The following PLOD2 variants were observed in gnomAD, a reference collection of about 807,000 sequenced individuals.
PLOD2 encodes the protein lysine hydroxylase 2.
In PLOD2, 65 loss-of-function variants were observed where a neutral mutation model predicts 101.0. The ratio of observed to expected loss-of-function variants is 0.64; its 90% CI spans 0.53 to 0.79. The LOEUF is 0.79. Ranked by LOEUF, PLOD2 falls within the 30% of genes least tolerant of loss-of-function variation. The pLI is 0.00. For synonymous variants in PLOD2, 314 were observed against 302.9 expected, an observed-to-expected ratio of 1.04 and a Z score of -0.38; for missense variants, 909 against 914.6, an observed-to-expected ratio of 0.99 and a Z score of 0.08.
chr3:146,104,792 A>AT, intron 5 of PLOD2, among the ~76,000 whole-genome samples: 1 of 152,292 alleles, frequency 6.6e-6, no homozygotes, highest in South Asian at 2.1e-4. Flanking sequence ...CAACTCCCCA[A>AT]TAAGGGAACT....
In PLOD2 at chr3:146,088,924, G is replaced by A. The variant is rs561537810; in HGVS notation, c.880-213C>T. 1,557 of 532,138 alleles carry A rather than the reference G, an allele frequency of 2.9e-3. 7 individuals are homozygous for A. The highest frequency in any genetic ancestry group is 4.6e-3 in the Non-Finnish European group (1,368 of 296,490). 33.0% of individuals were successfully genotyped at this position (532,138 alleles called of 1,614,324 possible). On this transcript the variant is annotated intron_variant, in intron 8 of 19. Coordinates refer to ENST00000282903, the MANE Select transcript of PLOD2 (RefSeq NM_182943.3). ...AAGTGATTTTACTGAATCCCATCTT[G>A]GTTATGAGTTAGGTTTAAAGATGAA...
Position 146,076,868 on chromosome 3 carries a change from G to A in PLOD2, c.1591C>T (p.His531Tyr), listed in dbSNP as rs763520586. The change falls in exon 15 of 20, where the codon CAT becomes TAT. Residue 531 changes from histidine to tyrosine, a missense_variant. His to Tyr is a moderately conservative substitution (Grantham distance 83). Transcript: ENST00000282903. Reference sequence around the variant, plus strand: ...GTGGATAATAGCCTTCCAAATTCATGTCTATTAGAAATGTACATAAATACA... The same window carrying A: ...GTGGATAATAGCCTTCCAAATTCATATCTATTAGAAATGTACATAAATACA... ...KGVFMYISNR[H>Y]EFGRLLSTAN... is the part of the protein sequence containing the mutation. 1.3e-5 allele frequency: 20 copies of A among 1,571,838 alleles called. No individual in the cohort carries two copies. The highest frequency in any genetic ancestry group is 1.7e-5 in the Admixed American group (1 of 59,628).
chr3:146,093,613 T>C (rs1313143687), intron 7 of PLOD2, among the ~76,000 whole-genome samples: 1 of 152,194 alleles, frequency 6.6e-6, no homozygotes, highest in Non-Finnish European at 1.5e-5. Context: ...GTGAAAAGCA[T>C]AGTTTTATTT....
At position 146,105,649 on chromosome 3, in the gene PLOD2, A is replaced by G. The variant is rs146924726; in HGVS notation, c.615+883T>C. Among the ~76,000 whole-genome samples, 5 of 152,370 alleles carry G rather than the reference A, an allele frequency of 3.3e-5. No homozygotes were observed. In the East Asian group the frequency reaches 9.6e-4, roughly 29 times the overall value. On this transcript the variant is annotated intron_variant, in intron 5 of 19. Transcript: ENST00000282903. ...ATGTGTTCTTTTAAAATTGTAGCCAATTAAACACATAAAGTCTATGTTATC... is the reference window on the plus strand; with the variant it reads ...ATGTGTTCTTTTAAAATTGTAGCCAGTTAAACACATAAAGTCTATGTTATC...
Position 146,132,786 on chromosome 3 carries a change from T to G in PLOD2, c.110-8557A>C, listed in dbSNP as rs1414035509. Among the ~76,000 whole-genome samples, 4 of 152,200 alleles carry G rather than the reference T, an allele frequency of 2.6e-5. 1 individual carries two copies. The highest frequency in any genetic ancestry group is 9.7e-5 in the African/African-American group (4 of 41,450). On this transcript the variant is annotated intron_variant, in intron 1 of 19. Transcript: ENST00000282903. Reference sequence around the variant, plus strand: ...AAAATGCTATGAAAGCTTCAAGACATTTTTTAAAACATACAGATTATACTG... The same window carrying G: ...AAAATGCTATGAAAGCTTCAAGACAGTTTTTAAAACATACAGATTATACTG...
In PLOD2 at chr3:146,086,749, A is replaced by G. The variant is rs542934518; in HGVS notation, c.1127+38T>C. ...TATTTTTTCTTAACGTTTCCTTAGTAAAATAATTTAATTTAATTTTAATTT... is the reference window on the plus strand; with the variant it reads ...TATTTTTTCTTAACGTTTCCTTAGTGAAATAATTTAATTTAATTTTAATTT... On this transcript the variant is annotated intron_variant, in intron 10 of 19. Transcript: ENST00000282903. 41 of 1,297,268 alleles carry G rather than the reference A, an allele frequency of 3.2e-5. 1 individual carries two copies. Among genetic ancestry groups the G allele is most frequent in the Admixed American group, 1.8e-4 (7 of 39,950 alleles). The allele number at this position is 1,297,268 out of a possible 1,614,324, so 80.4% of individuals were successfully genotyped here.
chr3:146,079,669 T>C (rs1291334517), intron 12 of PLOD2, among the ~76,000 whole-genome samples: 4 of 151,974 alleles, frequency 2.6e-5, no homozygotes, highest in African/African-American at 9.7e-5. Context: ...CAAAGTTAAC[T>C]TTTTCTGCCA....
In PLOD2 at chr3:146,106,165, G is replaced by C. The variant is rs531682029; in HGVS notation, c.615+367C>G. 5.6e-4 allele frequency among the ~76,000 whole-genome samples: 85 copies of C among 152,194 alleles called. No homozygotes were observed. In the South Asian group the frequency reaches 0.012, roughly 22 times the overall value. On this transcript the variant is annotated intron_variant, in intron 5 of 19. Transcript: ENST00000282903. Reference sequence around the variant, plus strand: ...CTAAGTGAGTATGCAGTGGAGGTAGGGCCATGACAGTGGTGTGAGGGCTGC... The same window carrying C: ...CTAAGTGAGTATGCAGTGGAGGTAGCGCCATGACAGTGGTGTGAGGGCTGC...
At chr3:146,088,807 T>G (rs1373385341) in intron 8 of PLOD2, 96 bp from the exon 9 acceptor site, 6 of 1,030,466 alleles carry the variant, frequency 5.8e-6, no homozygotes, top group Non-Finnish European at 8.9e-6. Context: ...TAAAAAATAC[T>G]AGAATATCAA....
At chr3:146,143,491 C>A (rs113415641) in intron 1 of PLOD2, among the ~76,000 whole-genome samples, 6 of 152,054 alleles carry the variant, frequency 3.9e-5, no homozygotes, top group Non-Finnish European at 4.4e-5. Flanking sequence ...TCCTAACCAT[C>A]TTTTCTGTGA....
At chr3:146,103,496 C>A (rs1937463095) in intron 6 of PLOD2, among the ~76,000 whole-genome samples, 1 of 148,462 alleles carries the variant, frequency 6.7e-6, no homozygotes. Flanking sequence ...GTCTCACTTT[C>A]TGGCCCCGGC....
chr3:146,142,968 C>G (rs1214566676), intron 1 of PLOD2, among the ~76,000 whole-genome samples: 1 of 152,102 alleles, frequency 6.6e-6, no homozygotes, highest in Non-Finnish European at 1.5e-5. Flanking sequence ...TTGGTTATAA[C>G]ACAATTTCTG....
At position 146,102,771 on chromosome 3, in the gene PLOD2, C is replaced by T; in HGVS notation, c.761G>A (p.Gly254Glu). Residue 254 changes from glycine (G) to glutamate (E), a missense_variant, in exon 7 of 20, where the codon GGA (glycine) becomes GAA (glutamate). Gly to Glu is a moderately conservative substitution (Grantham distance 98, BLOSUM62 -2). Coordinates refer to ENST00000282903, the MANE Select transcript of PLOD2 (RefSeq NM_182943.3). Reference sequence around the variant, plus strand: ...GTTACTTACCTTGGTGGGTCCATTTCCATTAATTGCCACTGGTAATGTTTC... The same window carrying T: ...GTTACTTACCTTGGTGGGTCCATTTTCATTAATTGCCACTGGTAATGTTTC... Reference protein sequence around the residue: ...FYETLPVAINGNGPTKILLNY... With the variant: ...FYETLPVAINENGPTKILLNY... The T allele has an allele frequency of 6.3e-7, 1 of 1,583,970 alleles. No homozygotes were observed. The highest frequency in any genetic ancestry group is 1.1e-5 in the South Asian group (1 of 90,476).
chr3:146,072,157 C>A (rs1429044219), intron 17 of PLOD2, among the ~76,000 whole-genome samples: 1 of 151,694 alleles, frequency 6.6e-6, no homozygotes, highest in Non-Finnish European at 1.5e-5. Context: ...TATCTTTACA[C>A]ACAAAAACAG....
intron 1 of PLOD2, among the ~76,000 whole-genome samples, chr3:146,133,154 C>A (rs968704472): frequency 1.3e-5 from 2 of 152,016 alleles, no homozygotes; most frequent in African/African-American, 4.8e-5. Flanking sequence ...CCGGCCTGGG[C>A]GACAGAGCAA....
chr3:146,102,529 G>A (rs1020812826), intron 7 of PLOD2, among the ~76,000 whole-genome samples: 4 of 152,134 alleles, frequency 2.6e-5, no homozygotes, highest in African/African-American at 7.2e-5. Context: ...AACGCCAAAT[G>A]TGCTGTAAAT....
chr3:146,128,880 C>CTTTTTTTTTTTTTTTTTTTTTTTT (rs3975816), intron 1 of PLOD2, among the ~76,000 whole-genome samples: 1 of 73,180 alleles, frequency 1.4e-5, no homozygotes, highest in Non-Finnish European at 2.4e-5. Flanking sequence ...ATCTGAAATC[C>CTTTTTTTTTTTTTTTTTTTTTTTT]TTTTTTTTTT....
At chr3:146,077,278 A>G (rs973039781) in intron 14 of PLOD2, 2 of 484,384 alleles carry the variant, frequency 4.1e-6, no homozygotes, top group African/African-American at 2.1e-5. Context: ...AAAGCATCAC[A>G]TTTTTAATCA....
rs773951039 is a variant in PLOD2 at position 146,091,817 on chromosome 3, C to G, written c.862G>C (p.Asp288His). 6.3e-6 allele frequency: 10 copies of G among 1,588,554 alleles called. No homozygotes were observed. The South Asian group carries it at 1.1e-4, about 18-fold the overall frequency. The change falls in exon 8 of 20, where the codon GAC (aspartate) becomes CAC (histidine). Residue 288 changes from aspartate (D) to histidine (H), a missense_variant. Transcript: ENST00000282903. ...GCTLCEFDTV[D>H]LSAVDVHPNV... is the part of the protein sequence containing the mutation. ...CCACTTACATCTACTGCAGACAAGT[C>G]GACTGTATCGAATTCACAAAGAGTG... is the stretch of plus-strand genomic sequence containing the variant.
Sources: gnomAD v4.1 joint callset for allele counts (sites outside exome capture counted in the v4.1 genomes callset) on GRCh38, gnomAD v4.1.1 for gene constraint, MANE v1.5 for transcripts, NCBI Gene and HGNC (gene_info 2026-07-23, HGNC 2026-07-21) for gene names.